Variants in GNAQ observed in about 807,000 individuals in gnomAD.
GNAQ encodes G protein subunit alpha q.
Under a neutral mutation model 43.9 loss-of-function variants are expected in GNAQ, and 8 were observed. That is an observed-to-expected ratio of 0.18 (90% CI 0.11 to 0.33). The LOEUF is 0.33. Among genes scored for constraint, GNAQ ranks in the 10% least tolerant of loss-of-function variants. The pLI is 1.00. For missense variants in GNAQ, 158 were observed against 450.8 expected (o/e 0.35, Z 5.88); for synonymous variants, 155 against 170.7 (o/e 0.91, Z 0.71).
At chr9:77,857,321 G>A (rs1827771194) in intron 2 of GNAQ, among the ~76,000 whole-genome samples, 1 of 152,170 alleles carries the variant, frequency 6.6e-6, no homozygotes, top group Non-Finnish European at 1.5e-5. Context: ...TCTTAGCTTT[G>A]TTAAGATCAG....
intron 1 of GNAQ, among the ~76,000 whole-genome samples, chr9:77,948,041 G>T (rs1250439112): frequency 1.3e-5 from 2 of 152,194 alleles, no homozygotes; most frequent in Non-Finnish European, 2.9e-5. Flanking sequence ...AGAAGAATAC[G>T]TGGCACAAGA....
chr9:77,840,948 T>C (rs1827480778), intron 2 of GNAQ, among the ~76,000 whole-genome samples: 1 of 151,990 alleles, frequency 6.6e-6, no homozygotes, highest in Non-Finnish European at 1.5e-5. Context: ...AGGCCACTCC[T>C]GAGCACTATA....
chr9:77,818,209 T>C (rs930644804), intron 2 of GNAQ, among the ~76,000 whole-genome samples: 5 of 152,098 alleles, frequency 3.3e-5, no homozygotes, highest in African/African-American at 9.7e-5. Context: ...TTCACCTAGG[T>C]TGGAATTTCT....
At chr9:77,892,292 T>C (rs1029396003) in intron 2 of GNAQ, among the ~76,000 whole-genome samples, 2 of 152,134 alleles carry the variant, frequency 1.3e-5, no homozygotes, top group Non-Finnish European at 2.9e-5. Flanking sequence ...CTGCAGCTCT[T>C]CCCCTTTCAC....
chr9:77,935,904 T>C (rs1240151498), intron 1 of GNAQ, among the ~76,000 whole-genome samples: 2 of 152,152 alleles, frequency 1.3e-5, no homozygotes, highest in Admixed American at 1.3e-4. Context: ...AATAAATAAA[T>C]GCGGGTTTCC....
At chr9:77,741,078 C>A (rs1439444130) in intron 5 of GNAQ, among the ~76,000 whole-genome samples, 3 of 152,012 alleles carry the variant, frequency 2.0e-5, no homozygotes, top group African/African-American at 7.2e-5. Context: ...TTTTTTTCAA[C>A]CATTTTAAAA....
chr9:77,908,154 T>C (rs1305985831), intron 2 of GNAQ, among the ~76,000 whole-genome samples: 1 of 152,226 alleles, frequency 6.6e-6, no homozygotes, highest in African/African-American at 2.4e-5. Flanking sequence ...TCCCTTTTTC[T>C]TCTGTCCCTT....
chr9:77,777,620 G>A (rs1447592018), intron 5 of GNAQ, among the ~76,000 whole-genome samples: 3 of 151,870 alleles, frequency 2.0e-5, no homozygotes, highest in South Asian at 4.2e-4. Context: ...TTATATAAAG[G>A]ACTCTGACAA....
chr9:77,781,549 CAA>C (rs1420208161), intron 5 of GNAQ, among the ~76,000 whole-genome samples: 1 of 152,056 alleles, frequency 6.6e-6, no homozygotes, highest in Non-Finnish European at 1.5e-5. Context: ...CAAAACCAGA[CAA>C]AGTCATTCCG....
intron 2 of GNAQ, among the ~76,000 whole-genome samples, chr9:77,832,629 T>C (rs917411249): frequency 2.6e-5 from 4 of 152,204 alleles, no homozygotes; most frequent in Non-Finnish European, 5.9e-5. Flanking sequence ...TCTGTCCCCC[T>C]TCTCATTAAG....
chr9:77,834,506 C>CTT (rs35514699), intron 2 of GNAQ, among the ~76,000 whole-genome samples: 1,573 of 150,880 alleles, frequency 0.01, 12 homozygotes, highest in Middle Eastern at 0.017. Flanking sequence ...ACTATTCTTT[C>CTT]TTTTTTTTTA....
chr9:77,806,109 T>C (rs967513947), intron 3 of GNAQ, among the ~76,000 whole-genome samples: 9 of 152,034 alleles, frequency 5.9e-5, no homozygotes, highest in African/African-American at 1.7e-4. Flanking sequence ...AACTTTGTAA[T>C]TGAAAACGAA....
intron 1 of GNAQ, among the ~76,000 whole-genome samples, chr9:78,009,744 T>C (rs997577826): frequency 1.3e-5 from 2 of 152,124 alleles, no homozygotes; most frequent in Non-Finnish European, 2.9e-5. Flanking sequence ...GGAATAAAGT[T>C]TAAATGAATC....
intron 1 of GNAQ, among the ~76,000 whole-genome samples, chr9:77,948,411 C>T (rs1822931432): frequency 6.6e-6 from 1 of 152,178 alleles, no homozygotes; most frequent in Non-Finnish European, 1.5e-5. Flanking sequence ...GCCTTTTACC[C>T]TTTTCCAGCA....
At chr9:77,921,449 T>C (rs1828995778) in intron 2 of GNAQ, among the ~76,000 whole-genome samples, 1 of 152,246 alleles carries the variant, frequency 6.6e-6, no homozygotes, top group South Asian at 2.1e-4. Flanking sequence ...GGATGAGCAA[T>C]CACAGCATTT....
At chr9:77,754,084 G>T (rs2118303147) in intron 5 of GNAQ, among the ~76,000 whole-genome samples, 1 of 152,286 alleles carries the variant, frequency 6.6e-6, no homozygotes, top group African/African-American at 2.4e-5. Context: ...AGCACTCAAG[G>T]CCTCTCTGAG....
chr9:77,925,966 A>ATT (rs1829066901), intron 1 of GNAQ, among the ~76,000 whole-genome samples: 1 of 152,170 alleles, frequency 6.6e-6, no homozygotes, highest in Non-Finnish European at 1.5e-5. Context: ...TGCTATGTAA[A>ATT]TAGTTGTCAT....
At chr9:77,854,565 C>G (rs1404276558) in intron 2 of GNAQ, among the ~76,000 whole-genome samples, 3 of 152,206 alleles carry the variant, frequency 2.0e-5, no homozygotes, top group Non-Finnish European at 4.4e-5. Context: ...AAGCCAGAAA[C>G]AAATCAGCAA....
chr9:77,880,012 C>T (rs925123191), intron 2 of GNAQ, among the ~76,000 whole-genome samples: 7 of 152,086 alleles, frequency 4.6e-5, no homozygotes, highest in Non-Finnish European at 8.8e-5. Flanking sequence ...CCACACAGCA[C>T]GTTAGTGAGT....
Sources: gnomAD v4.1 joint callset for allele counts (sites outside exome capture counted in the v4.1 genomes callset) on GRCh38, gnomAD v4.1.1 for gene constraint, MANE v1.5 for transcripts, NCBI Gene and HGNC (gene_info 2026-07-23, HGNC 2026-07-21) for gene names.